Variants in GABRB1 observed in about 807,000 individuals in gnomAD.
GABRB1 encodes the protein gamma-aminobutyric acid type A receptor subunit beta1.
A neutral mutation model predicts 51.6 loss-of-function variants in GABRB1; 17 were observed. That is an observed-to-expected ratio of 0.33 (90% confidence interval 0.23 to 0.49). The LOEUF is 0.49. GABRB1 is among the 20% of genes least tolerant of loss of function. The probability of loss-of-function intolerance (pLI) is 0.99; values close to 1 mark genes in which losing one functional copy is unlikely to be tolerated. For missense variants in GABRB1, 410 were observed against 600.6 expected, an observed-to-expected ratio of 0.68 and a Z score of 3.32; for synonymous variants, 247 against 218.9, an observed-to-expected ratio of 1.13 and a Z score of -1.14.
chr4:47,273,318 T>TA (rs1393518974), intron 4 of GABRB1, among the ~76,000 whole-genome samples: 11 of 152,218 alleles, frequency 7.2e-5, no homozygotes, highest in African/African-American at 2.4e-4. Flanking sequence ...AAATTGGTGA[T>TA]ATGATGGAAG....
chr4:47,219,072 TC>T (rs1305964367), intron 4 of GABRB1, among the ~76,000 whole-genome samples: 1 of 151,754 alleles, frequency 6.6e-6, no homozygotes, highest in Non-Finnish European at 1.5e-5. Flanking sequence ...TTTAACAACC[TC>T]CCTCCTATTC....
chr4:47,110,893 C>A (rs1715186542), intron 3 of GABRB1, among the ~76,000 whole-genome samples: 1 of 152,128 alleles, frequency 6.6e-6, no homozygotes, highest in Admixed American at 6.6e-5. Context: ...ATGCCAGGGA[C>A]TTTTTAACCT....
chr4:47,378,308 CAT>C (rs1727462746), intron 5 of GABRB1, among the ~76,000 whole-genome samples: 1 of 152,234 alleles, frequency 6.6e-6, no homozygotes, highest in Non-Finnish European at 1.5e-5. Flanking sequence ...CTAAGCCCCT[CAT>C]TGCCTGGCGC....
chr4:47,410,130 T>C lies in GABRB1; in HGVS notation c.1080+3204T>C, dbSNP rs192849708. Among the ~76,000 whole-genome samples, 611 of 152,318 alleles carry C rather than the reference T, an allele frequency of 4.0e-3. 4 individuals carry two copies. Among genetic ancestry groups the C allele is most frequent in the Non-Finnish European group, 5.4e-3 (370 of 68,024 alleles). On this transcript the variant is annotated intron_variant, in intron 8 of 8. Coordinates refer to ENST00000295454, the MANE Select transcript of GABRB1 (RefSeq NM_000812.4). ...ATTAAAGGAGAACGAATAAAGAAAT[T>C]CCTCAACTGTCAGAAGACAATGCTT...
chr4:47,087,767 T>A (rs1310835362), intron 3 of GABRB1, among the ~76,000 whole-genome samples: 1 of 152,162 alleles, frequency 6.6e-6, no homozygotes, highest in Non-Finnish European at 1.5e-5. Context: ...GAAATTAGCA[T>A]CCTGTTTTAA....
intron 3 of GABRB1, among the ~76,000 whole-genome samples, chr4:47,110,862 T>C (rs1715185290): frequency 6.6e-6 from 1 of 152,174 alleles, no homozygotes. Context: ...ATTCAACAAA[T>C]ATTTATTGAG....
chr4:46,997,550 T>C (rs1160066599), intron 1 of GABRB1, among the ~76,000 whole-genome samples: 2 of 152,046 alleles, frequency 1.3e-5, no homozygotes, highest in Non-Finnish European at 2.9e-5. Context: ...TCAGTTTCTA[T>C]GTACTTGACT....
intron 4 of GABRB1, among the ~76,000 whole-genome samples, chr4:47,253,593 G>T (rs1260084095): frequency 2.6e-5 from 4 of 151,976 alleles, no homozygotes; most frequent in South Asian, 2.1e-4. Context: ...CAAATTTTTT[G>T]AATTATACCC....
chr4:47,345,329 G>C (rs1726051164), intron 5 of GABRB1, among the ~76,000 whole-genome samples: 2 of 152,156 alleles, frequency 1.3e-5, no homozygotes, highest in Non-Finnish European at 2.9e-5. Context: ...AAGCAGTAAA[G>C]GAGATAGGCA....
chr4:47,039,857 C>T (rs1419840409), intron 3 of GABRB1, among the ~76,000 whole-genome samples: 3 of 152,136 alleles, frequency 2.0e-5, no homozygotes, highest in Admixed American at 6.5e-5. Context: ...GATCAGACTG[C>T]ATGCTAAAAG....
intron 5 of GABRB1, among the ~76,000 whole-genome samples, chr4:47,389,120 T>A (rs1331146282): frequency 6.6e-6 from 1 of 152,148 alleles, no homozygotes; most frequent in East Asian, 1.9e-4. Context: ...CTTGGGGAAG[T>A]CACATCAAGT....
intron 5 of GABRB1, among the ~76,000 whole-genome samples, chr4:47,364,862 G>T (rs970744494): frequency 7.5e-5 from 11 of 147,636 alleles, no homozygotes; most frequent in Non-Finnish European, 1.5e-4. Context: ...AGAAAAAAAA[G>T]AATTTGAGAT....
chr4:47,305,979 G>A (rs1724453210), intron 4 of GABRB1, among the ~76,000 whole-genome samples: 1 of 152,072 alleles, frequency 6.6e-6, no homozygotes, highest in Non-Finnish European at 1.5e-5. Context: ...TTTGAGAGAG[G>A]CATGTCTTAC....
intron 4 of GABRB1, among the ~76,000 whole-genome samples, chr4:47,240,059 G>C (rs1329737201): frequency 2.0e-5 from 3 of 152,298 alleles, no homozygotes; most frequent in Non-Finnish European, 4.4e-5. Flanking sequence ...GGGAGATCAA[G>C]AGGCAATTTA....
At chr4:47,422,494 G>A (rs1298374841) in intron 8 of GABRB1, among the ~76,000 whole-genome samples, 2 of 152,108 alleles carry the variant, frequency 1.3e-5, no homozygotes, top group Admixed American at 1.3e-4. Flanking sequence ...TGGCCTTATT[G>A]ATAAATCTAT....
At chr4:47,208,035 A>G (rs912383775) in intron 4 of GABRB1, among the ~76,000 whole-genome samples, 1 of 152,094 alleles carries the variant, frequency 6.6e-6, no homozygotes, top group Admixed American at 6.6e-5. Context: ...ACTATACATC[A>G]GTGCTCATAG....
chr4:47,367,433 G>A (rs563482078), intron 5 of GABRB1, among the ~76,000 whole-genome samples: 1 of 152,212 alleles, frequency 6.6e-6, no homozygotes, highest in South Asian at 2.1e-4. Flanking sequence ...TCCAAAGGCG[G>A]CTCTACGGAG....
chr4:47,254,371 T>TTTTG (rs1722111839), intron 4 of GABRB1, among the ~76,000 whole-genome samples: 1 of 121,064 alleles, frequency 8.3e-6, no homozygotes, highest in African/African-American at 3.2e-5. Flanking sequence ...GTTTTTTTTT[T>TTTTG]TTTTTTTTTT....
chr4:47,225,788 C>T (rs909287355), intron 4 of GABRB1, among the ~76,000 whole-genome samples: 31 of 152,126 alleles, frequency 2.0e-4, no homozygotes, highest in African/African-American at 6.8e-4. Flanking sequence ...AATATTTCAG[C>T]ACAAATTAAT....
Sources: allele counts gnomAD v4.1 joint callset (sites outside exome capture counted in the v4.1 genomes callset), GRCh38; gene constraint gnomAD v4.1.1; transcripts MANE v1.5; gene names NCBI Gene and HGNC (gene_info 2026-07-23, HGNC 2026-07-21).